The following COL23A1 variants were observed in gnomAD, a reference collection of about 807,000 sequenced individuals.
COL23A1 encodes the protein collagen alpha-1(XXIII) chain.
COL23A1 carries 97 observed loss-of-function variants against 99.3 expected under a neutral mutation model. That is an observed-to-expected ratio of 0.98 (90% confidence interval 0.83 to 1.16). The LOEUF is 1.16. Among genes scored for constraint, COL23A1 ranks in the 50% most tolerant of loss-of-function variants. The probability of loss-of-function intolerance (pLI) is 0.00; values close to 1 mark genes in which losing one functional copy is unlikely to be tolerated. For synonymous variants in COL23A1, 320 were observed against 308.2 expected, an observed-to-expected ratio of 1.04 and a Z score of -0.40; for missense variants, 762 against 757.4, an observed-to-expected ratio of 1.01 and a Z score of -0.07.
intron 5 of COL23A1, among the ~76,000 whole-genome samples, chr5:178,272,311 C>G (rs1756334345): frequency 6.6e-6 from 1 of 152,258 alleles, no homozygotes; most frequent in African/African-American, 2.4e-5. Context: ...TCCAGACTGC[C>G]TCGTATGGAG....
intron 2 of COL23A1, among the ~76,000 whole-genome samples, chr5:178,530,252 G>A (rs1760568174): frequency 6.6e-6 from 1 of 152,160 alleles, no homozygotes; most frequent in African/African-American, 2.4e-5. Flanking sequence ...TTTGAGCTCA[G>A]GAGTTCAAGG....
At chr5:178,398,472 C>T (rs967721712) in intron 2 of COL23A1, among the ~76,000 whole-genome samples, 4 of 152,042 alleles carry the variant, frequency 2.6e-5, no homozygotes, top group African/African-American at 9.7e-5. Context: ...ACTAAAAATA[C>T]AAAAATTAGC....
intron 12 of COL23A1, among the ~76,000 whole-genome samples, chr5:178,258,018 T>C (rs535622202): frequency 1.6e-4 from 25 of 152,198 alleles, no homozygotes; most frequent in Non-Finnish European, 2.4e-4. Flanking sequence ...TGCCCCATGA[T>C]GGCACCTGTG....
At chr5:178,512,531 G>C (rs1460409203) in intron 2 of COL23A1, among the ~76,000 whole-genome samples, 1 of 152,094 alleles carries the variant, frequency 6.6e-6, no homozygotes, top group Non-Finnish European at 1.5e-5. Context: ...GGAGAAAGGG[G>C]CAACAGAAAG....
chr5:178,348,687 A>G (rs920413758), intron 2 of COL23A1, among the ~76,000 whole-genome samples: 3 of 152,210 alleles, frequency 2.0e-5, no homozygotes, highest in Non-Finnish European at 4.4e-5. Flanking sequence ...GCCCCTTCCC[A>G]GGACCAGGCC....
chr5:178,494,488 C>A (rs923384742), intron 2 of COL23A1, among the ~76,000 whole-genome samples: 1 of 152,164 alleles, frequency 6.6e-6, no homozygotes, highest in African/African-American at 2.4e-5. Flanking sequence ...ACCAGCCTGG[C>A]CAACATGGTG....
chr5:178,280,131 G>A lies in COL23A1; in HGVS notation c.441+8193C>T, dbSNP rs1304376952. On this transcript the variant is annotated intron_variant, in intron 5 of 28. Transcript: ENST00000390654. This position sits in a 1 kb window ranked among gnomAD's most constrained non-coding sequence, Gnocchi z 4.9. ...TCCTGCTGGCTCTCGTGCCCGGCCA[G>A]GGAACACTAGAGGGCGCGCTTGACC... Among the ~76,000 whole-genome samples, 2 of 152,384 alleles carry A rather than the reference G, an allele frequency of 1.3e-5. No individual in the cohort carries two copies. Among genetic ancestry groups the A allele is most frequent in the East Asian group, 3.9e-4 (2 of 5,190 alleles).
At chr5:178,441,895 A>G (rs1329927391) in intron 2 of COL23A1, among the ~76,000 whole-genome samples, 4 of 152,142 alleles carry the variant, frequency 2.6e-5, no homozygotes, top group Non-Finnish European at 5.9e-5. Flanking sequence ...CAATAACAGG[A>G]GGACTGGGGT....
chr5:178,250,232 G>T, intron 17 of COL23A1, 127 bp from the exon 18 acceptor site: 2 of 975,782 alleles, frequency 2.0e-6, no homozygotes, highest in Non-Finnish European at 3.2e-6. Context: ...CTCTAGCTGT[G>T]CCAGGACCCA....
At chr5:178,441,799 A>G (rs73803100) in intron 2 of COL23A1, among the ~76,000 whole-genome samples, 4,202 of 152,180 alleles carry the variant, frequency 0.028, 200 homozygotes, top group African/African-American at 0.095. Context: ...TGGGCTAAAC[A>G]TTCTGTGCCA....
intron 2 of COL23A1, among the ~76,000 whole-genome samples, chr5:178,386,301 T>C (rs1763669085): frequency 6.6e-6 from 1 of 152,032 alleles, no homozygotes; most frequent in African/African-American, 2.4e-5. Context: ...TAGCCAGGCA[T>C]GGAAGCATGC....
intron 1 of COL23A1, among the ~76,000 whole-genome samples, chr5:178,587,542 G>A (rs1488816238): frequency 1.3e-5 from 2 of 152,066 alleles, no homozygotes; most frequent in African/African-American, 2.4e-5. Flanking sequence ...CTGGTTCTCT[G>A]GAAACAAGTT....
intron 2 of COL23A1, among the ~76,000 whole-genome samples, chr5:178,398,780 G>C (rs1224003936): frequency 6.6e-6 from 1 of 152,162 alleles, no homozygotes; most frequent in Non-Finnish European, 1.5e-5. Context: ...CTCTTTCAGG[G>C]ACCCGTTGTT....
intron 2 of COL23A1, among the ~76,000 whole-genome samples, chr5:178,412,505 A>G (rs1028384934): frequency 3.9e-5 from 6 of 152,318 alleles, no homozygotes; most frequent in African/African-American, 1.4e-4. Context: ...TCTGTTCTAC[A>G]CACAATGATT....
intron 2 of COL23A1, among the ~76,000 whole-genome samples, chr5:178,406,838 C>T (rs1764791431): frequency 6.6e-6 from 1 of 152,116 alleles, no homozygotes; most frequent in Admixed American, 6.6e-5. Context: ...AAAGACTAGC[C>T]AGATTAAGAA....
intron 2 of COL23A1, among the ~76,000 whole-genome samples, chr5:178,392,934 A>G (rs1465796816): frequency 1.3e-5 from 2 of 152,120 alleles, no homozygotes; most frequent in African/African-American, 4.8e-5. Context: ...TGTTAGTGCA[A>G]CTCCTCACCA....
chr5:178,298,707 A>G (rs1757877600), intron 3 of COL23A1, among the ~76,000 whole-genome samples: 1 of 152,136 alleles, frequency 6.6e-6, no homozygotes, highest in South Asian at 2.1e-4. Context: ...AGAAGCATGA[A>G]CCCATCCCCA....
At chr5:178,270,241 C>T (rs914322781) in intron 6 of COL23A1, 96 bp downstream of exon 6, 40 of 1,439,444 alleles carry the variant, frequency 2.8e-5, no homozygotes, top group Non-Finnish European at 3.6e-5. Flanking sequence ...AACCAAGTTC[C>T]AGTGGCTGCT....
intron 2 of COL23A1, among the ~76,000 whole-genome samples, chr5:178,491,724 C>T (rs907453593): frequency 2.6e-5 from 4 of 151,266 alleles, no homozygotes; most frequent in African/African-American, 4.9e-5. Flanking sequence ...TTTTTTAATT[C>T]ATTTATATTT....
Sources: gnomAD v4.1 joint callset for allele counts (sites outside exome capture counted in the v4.1 genomes callset) on GRCh38, gnomAD v4.1.1 for gene constraint, Gnocchi (gnomAD v3.1) non-coding constraint, MANE v1.5 for transcripts, NCBI Gene and HGNC (gene_info 2026-07-23, HGNC 2026-07-21) for gene names.